The following SLCO5A1 variants were observed in gnomAD, a reference collection of about 807,000 sequenced individuals.
The protein encoded by SLCO5A1 is organic anion transporter polypeptide-related protein 4.
Under a neutral mutation model 65.1 loss-of-function variants are expected in SLCO5A1, and 39 were observed. The observed-to-expected ratio is 0.60, with a 90% CI of 0.46 to 0.78. SLCO5A1 has a LOEUF of 0.78. Among genes scored for constraint, SLCO5A1 ranks in the 30% least tolerant of loss-of-function variants. The pLI is 0.00. For synonymous variants in SLCO5A1, 438 were observed against 415.7 expected, an observed-to-expected ratio of 1.05 and a Z score of -0.65; for missense variants, 1,029 against 1,069.4, an observed-to-expected ratio of 0.96 and a Z score of 0.53.
intron 5 of SLCO5A1, among the ~76,000 whole-genome samples, chr8:69,716,934 C>T (rs1815571510): frequency 6.6e-6 from 1 of 152,066 alleles, no homozygotes. Context: ...CACACGCCAC[C>T]ACCCCCAGCT....
chr8:69,679,608 A>G lies in SLCO5A1; in HGVS notation c.1794T>C (p.Tyr598=), dbSNP rs781402207. The G allele has an allele frequency of 6.8e-6, 11 of 1,614,024 alleles. No individual in the cohort carries two copies. The highest frequency in any genetic ancestry group is 9.3e-6 in the Non-Finnish European group (11 of 1,179,958). The change falls in exon 8 of 10, where the codon TAT becomes TAC. Residue 598 remains tyrosine, a synonymous_variant. Coordinates refer to ENST00000260126, the MANE Select transcript of SLCO5A1 (RefSeq NM_030958.3). ...SGNLSTGIRN[Y]TECTCVQSRQ... ...GACTTTGGACACAGGTGCATTCTGTATAATTCCGTATCTAAGTGAGCAAAA... is the reference window on the plus strand; with the variant it reads ...GACTTTGGACACAGGTGCATTCTGTGTAATTCCGTATCTAAGTGAGCAAAA...
At chr8:69,709,163 G>A (rs1815111906) in intron 5 of SLCO5A1, among the ~76,000 whole-genome samples, 1 of 152,212 alleles carries the variant, frequency 6.6e-6, no homozygotes, top group South Asian at 2.1e-4. Flanking sequence ...AAAGGAAGAA[G>A]GGATATGGGT....
Position 69,704,979 on chromosome 8 carries a change from G to C in SLCO5A1, c.1622+52C>G, listed in dbSNP as rs186475468. The C allele has an allele frequency of 5.5e-5, 85 of 1,545,238 alleles. No homozygotes were observed. The African/African-American group carries it at 9.2e-4, about 17-fold the overall frequency. On this transcript the variant is annotated intron_variant, in intron 6 of 9. Transcript: ENST00000260126. Reference sequence around the variant, plus strand: ...GACTGCAGATGCACAAACACCACAGGGCTTTGCACCTCCATCGTGCAGACA... The same window carrying C: ...GACTGCAGATGCACAAACACCACAGCGCTTTGCACCTCCATCGTGCAGACA...
chr8:69,832,587 C>T lies in SLCO5A1; in HGVS notation c.87G>A (p.Glu29=), dbSNP rs1222581068. 1.9e-6 allele frequency: 3 copies of T among 1,612,870 alleles called. No individual in the cohort carries two copies. The highest frequency in any genetic ancestry group is 2.5e-6 in the Non-Finnish European group (3 of 1,179,766). The change falls in exon 2 of 10, where the codon GAG becomes GAA. Residue 29 remains glutamate, a synonymous_variant. Coordinates refer to ENST00000260126, the MANE Select transcript of SLCO5A1 (RefSeq NM_030958.3). This position sits in a 1 kb window ranked among gnomAD's most constrained non-coding sequence, Gnocchi z 4.5. ...AACTCTTAGACCTGAGGGTCTCCGG[C>T]TCGCACCTCTCTTGGACAGCTTCTG... The part of the protein sequence containing the change: ...ATAEAVQERC[E]PETLRSKSLP...
intron 2 of SLCO5A1, among the ~76,000 whole-genome samples, chr8:69,803,423 C>T (rs1819845357): frequency 6.6e-6 from 1 of 151,566 alleles, no homozygotes; most frequent in African/African-American, 2.4e-5. Context: ...TCTCAAAAAA[C>T]AAAAATTAGC....
chr8:69,785,543 A>C (rs1819014235), intron 2 of SLCO5A1, among the ~76,000 whole-genome samples: 1 of 152,234 alleles, frequency 6.6e-6, no homozygotes, highest in East Asian at 1.9e-4. Context: ...TCTAAACACA[A>C]TAGTAAATCC....
At chr8:69,785,916 C>G (rs956251570) in intron 2 of SLCO5A1, among the ~76,000 whole-genome samples, 5 of 152,164 alleles carry the variant, frequency 3.3e-5, no homozygotes, top group African/African-American at 1.2e-4. Flanking sequence ...CCTGAATAGT[C>G]ATAGAAGCTA....
At chr8:69,682,448 C>A in intron 6 of SLCO5A1, 105 bp from the exon 7 acceptor site, 1 of 1,178,580 alleles carries the variant, frequency 8.5e-7, no homozygotes, top group South Asian at 2.2e-5. Context: ...AATATTCTTC[C>A]CATTGAATCA....
intron 2 of SLCO5A1, among the ~76,000 whole-genome samples, chr8:69,790,929 C>T (rs1029805796): frequency 1.3e-5 from 2 of 152,120 alleles, no homozygotes; most frequent in African/African-American, 2.4e-5. Flanking sequence ...CATACCATGA[C>T]TTCAGGGGAT....
chr8:69,678,009 T>G (rs1243015793), intron 8 of SLCO5A1, among the ~76,000 whole-genome samples: 1 of 152,184 alleles, frequency 6.6e-6, no homozygotes, highest in Non-Finnish European at 1.5e-5. Flanking sequence ...GCTGCCCAGT[T>G]CCTTTGTCCA....
chr8:69,684,299 C>T (rs565502517), intron 6 of SLCO5A1, among the ~76,000 whole-genome samples: 14 of 152,268 alleles, frequency 9.2e-5, no homozygotes, highest in Admixed American at 2.6e-4. Context: ...GGGGGTGCTA[C>T]GGGCATCTAA....
intron 2 of SLCO5A1, among the ~76,000 whole-genome samples, chr8:69,775,487 C>T (rs746275236): frequency 6.8e-4 from 104 of 152,266 alleles, no homozygotes; most frequent in Non-Finnish European, 1.2e-3. Flanking sequence ...AGATTGCCAC[C>T]TGTGAGTGAC....
At chr8:69,796,585 C>G (rs1471667262) in intron 2 of SLCO5A1, among the ~76,000 whole-genome samples, 1 of 151,852 alleles carries the variant, frequency 6.6e-6, no homozygotes, top group Non-Finnish European at 1.5e-5. Flanking sequence ...CCACTGCACT[C>G]CAACCTGGGG....
At chr8:69,711,881 C>T (rs2959564) in intron 5 of SLCO5A1, among the ~76,000 whole-genome samples, 152,347 of 152,358 alleles carry the variant, frequency 1, 76,168 homozygotes, top group Middle Eastern at 1. Flanking sequence ...TTTTAACAAG[C>T]ATGAATTTCA....
intron 2 of SLCO5A1, among the ~76,000 whole-genome samples, chr8:69,821,954 C>T (rs1820663660): frequency 1.3e-5 from 2 of 151,960 alleles, no homozygotes; most frequent in African/African-American, 2.4e-5. Flanking sequence ...TGGCAAACCC[C>T]ATCTCTACTA....
intron 2 of SLCO5A1, among the ~76,000 whole-genome samples, chr8:69,801,265 AGT>A (rs1819723673): frequency 6.6e-6 from 1 of 152,266 alleles, no homozygotes; most frequent in Non-Finnish European, 1.5e-5. Context: ...ATCTTAAATT[AGT>A]AGAGCTGTAA....
intron 5 of SLCO5A1, among the ~76,000 whole-genome samples, chr8:69,709,950 A>G (rs1420396905): frequency 2.0e-5 from 3 of 151,360 alleles, no homozygotes; most frequent in Non-Finnish European, 4.4e-5. Context: ...ATTAACTTAA[A>G]GTCAGTTTTG....
intron 5 of SLCO5A1, among the ~76,000 whole-genome samples, chr8:69,729,446 C>CAAAAAA (rs56392223): frequency 2.1e-4 from 17 of 80,522 alleles, no homozygotes; most frequent in Middle Eastern, 0.012. Context: ...TCCGTCCCAA[C>CAAAAAA]AAAAAAAAAA....
chr8:69,796,703 A>AT (rs1169476826), intron 2 of SLCO5A1, among the ~76,000 whole-genome samples: 1 of 151,654 alleles, frequency 6.6e-6, no homozygotes, highest in African/African-American at 2.4e-5. Context: ...ATGTATATAT[A>AT]TTTTTTTCAA....
Sources: allele counts gnomAD v4.1 joint callset (sites outside exome capture counted in the v4.1 genomes callset), GRCh38; gene constraint gnomAD v4.1.1; non-coding constraint Gnocchi (gnomAD v3.1); transcripts MANE v1.5; gene names NCBI Gene and HGNC (gene_info 2026-07-23, HGNC 2026-07-21).